Variants in ADRM1 observed in about 807,000 individuals in gnomAD.
ADRM1 encodes the protein proteasomal ubiquitin receptor ADRM1.
ADRM1 carries 2 observed loss-of-function variants against 40.1 expected under a neutral mutation model. The observed-to-expected ratio is 0.05, with a 90% confidence interval of 0.02 to 0.16. The LOEUF is 0.16. ADRM1 is among the 10% of genes least tolerant of loss of function. ADRM1 has a pLI of 1.00. For missense variants in ADRM1, 467 were observed against 552.5 expected (o/e 0.85, Z 1.55); for synonymous variants, 287 against 240.4 (o/e 1.19, Z -1.79).
In ADRM1 at chr20:62,308,824, CCACT is replaced by C. The variant is rs147591826; in HGVS notation, c.*64_*67del. The C allele has an allele frequency of 8.3e-6, 13 of 1,575,328 alleles. No homozygotes were observed. Among genetic ancestry groups the C allele is most frequent in the Middle Eastern group, 1.8e-4 (1 of 5,444 alleles). On this transcript the variant is annotated 3_prime_UTR_variant, in exon 10 of 10. Coordinates refer to ENST00000253003, the MANE Select transcript of ADRM1 (RefSeq NM_007002.4). The stretch of plus-strand genomic sequence containing the variant: ...TGCGTTGCACACCCTCACCTCCCAC[CCACT>C]GATTATTAATAAAGTCTTTTCTTTT...
In ADRM1 at chr20:62,304,037, T is replaced by C. The variant is rs181772156; in HGVS notation, c.213+256T>C. On this transcript the variant is annotated intron_variant, in intron 2 of 9. Transcript: ENST00000253003. ...GAGCCCGGAGCTCTGTGCCTGGCCT[T>C]GAACTGTCCGTGTGAGGTGCCTGGG... is the stretch of plus-strand genomic sequence containing the variant. 1,384 of 547,356 alleles carry C rather than the reference T, an allele frequency of 2.5e-3. 7 individuals are homozygous for C. Among genetic ancestry groups the C allele is most frequent in the African/African-American group, 0.024 (1,252 of 52,766 alleles). 33.9% of individuals were successfully genotyped at this position (547,356 alleles called of 1,614,324 possible). A position where few individuals can be genotyped will look rare whatever the true frequency, so the allele number is the denominator to read the frequency against.
rs1985591330 is a variant in ADRM1 at position 62,308,754 on chromosome 20, T to G, written c.1217T>G (p.Leu406Arg). 6.2e-7 allele frequency: 1 copy of G among 1,612,798 alleles called. No homozygotes were observed. Among genetic ancestry groups the G allele is most frequent in the South Asian group, 1.1e-5 (1 of 91,086 alleles). ...AAGGACGAAGAGGAGGACATGAGCC[T>G]GGACTGAGCCACGCGCCGTCCTCCG... ...DKKDEEEDMS[L>R]D Residue 406 changes from leucine (L) to arginine (R), a missense_variant, in exon 10 of 10, where the codon CTG (leucine) becomes CGG (arginine). Around this residue, in one of 3 missense-constraint regions of ADRM1, gnomAD observed 418 missense variants for 474.6 expected, o/e 0.88. Transcript: ENST00000253003.
At chr20:62,305,187 G>A (rs866653211) in intron 3 of ADRM1, among the ~76,000 whole-genome samples, 3 of 152,342 alleles carry the variant, frequency 2.0e-5, no homozygotes, top group Middle Eastern at 3.4e-3. Flanking sequence ...CCATAAGCCA[G>A]TATCATCTGT....
intron 1 of ADRM1, 96 bp from the exon 2 acceptor site, chr20:62,303,472 C>T (rs1041307042): frequency 4.7e-6 from 6 of 1,285,366 alleles, no homozygotes; most frequent in South Asian, 1.4e-5. Flanking sequence ...GCTCTGGGCG[C>T]AGGCCCCCTG....
chr20:62,306,559 G>C (rs1267712380), intron 4 of ADRM1, 89 bp from the exon 5 acceptor site: 1 of 1,394,778 alleles, frequency 7.2e-7, no homozygotes, highest in African/African-American at 1.4e-5. Context: ...GGGCAGCCGA[G>C]TGCGGTGCTC....
rs777538537 is a variant in ADRM1, at chr20:62,306,316, A to T, written c.450A>T (p.Leu150=). The change falls in exon 4 of 10, where the codon CTA becomes CTT. Residue 150 remains leucine (L), a synonymous_variant. Transcript: ENST00000253003. ...SGSSGHELSA[L]GGEGGLQSLL... is the part of the protein sequence containing the mutation. ...GCAGCGGCCACGAACTCTCTGCGCTAGGCGGTAACTGTCACATGTGTCACG... is the reference window on the plus strand; with the variant it reads ...GCAGCGGCCACGAACTCTCTGCGCTTGGCGGTAACTGTCACATGTGTCACG... 2.5e-6 allele frequency: 4 copies of T among 1,612,780 alleles called. No homozygotes were observed. In the South Asian group the frequency reaches 3.3e-5, roughly 13 times the overall value.
chr20:62,305,781 G>A, intron 3 of ADRM1: 1 of 206,220 alleles, frequency 4.8e-6, no homozygotes, highest in Non-Finnish European at 1.0e-5. Context: ...CGCCTGCCGT[G>A]GCCCTGGGCC....
rs1568872257 is a variant in ADRM1 at position 62,306,665 on chromosome 20, A to G, written c.472A>G (p.Ser158Gly). The change falls in exon 5 of 10, where the codon AGC (serine) becomes GGC (glycine). Residue 158 changes from serine to glycine, a missense_variant. Around this residue, in one of 3 missense-constraint regions of ADRM1, gnomAD observed 418 missense variants for 474.6 expected, o/e 0.88. Transcript: ENST00000253003. Reference sequence around the variant, plus strand: ...TTTTCCAGGTGAGGGTGGCCTGCAGAGCCTGCTGGGAAACATGAGCCACAG... The same window carrying G: ...TTTTCCAGGTGAGGGTGGCCTGCAGGGCCTGCTGGGAAACATGAGCCACAG... ...SALGGEGGLQ[S>G]LLGNMSHSQL... The G allele has an allele frequency of 6.2e-7, 1 of 1,609,368 alleles. No individual in the cohort carries two copies. The highest frequency in any genetic ancestry group is 1.7e-5 in the Admixed American group (1 of 59,644).
At position 62,308,160 on chromosome 20, in the gene ADRM1, C is replaced by T. The variant is rs1985423823; in HGVS notation, c.996C>T (p.Thr332=). Residue 332 remains threonine, a synonymous_variant, in exon 8 of 10, where the codon ACC becomes ACT. Coordinates refer to ENST00000253003, the MANE Select transcript of ADRM1 (RefSeq NM_007002.4). ...CGGATGAGATCCAGAATACCCTGACCTCGCCCCAGTTCCAGCAGGTAGAGG... is the reference window on the plus strand; with the variant it reads ...CGGATGAGATCCAGAATACCCTGACTTCGCCCCAGTTCCAGCAGGTAGAGG... The part of the protein sequence containing the change: ...QTADEIQNTL[T]SPQFQQALGM... 1.2e-6 allele frequency: 2 copies of T among 1,605,206 alleles called. No individual in the cohort carries two copies. Among genetic ancestry groups the T allele is most frequent in the South Asian group, 2.2e-5 (2 of 90,926 alleles).
At chr20:62,304,747 G>A (rs1377256593) in intron 3 of ADRM1, among the ~76,000 whole-genome samples, 170 bp downstream of exon 3, 1 of 152,248 alleles carries the variant, frequency 6.6e-6, no homozygotes, top group East Asian at 1.9e-4. Flanking sequence ...CTGGGGCCGA[G>A]GTCCTCTCCC....
chr20:62,304,496 G>A lies in ADRM1; in HGVS notation c.249G>A (p.Lys83=), dbSNP rs1333546166. ...TCTTCCCTGACGACTGTGAGTTCAA[G>A]CGGGTGCCGCAGTGCCCCAGCGGGA... ...LIIFPDDCEF[K]RVPQCPSGRV... is the part of the protein sequence containing the mutation. Residue 83 remains lysine (K), a synonymous_variant, in exon 3 of 10, where the codon AAG becomes AAA. Transcript: ENST00000253003. 1 of 1,613,970 alleles carries A rather than the reference G, an allele frequency of 6.2e-7. No homozygotes were observed.
chr20:62,307,252 G>A (rs376094344), intron 5 of ADRM1, 119 bp from the exon 6 acceptor site: 24 of 1,010,410 alleles, frequency 2.4e-5, no homozygotes, highest in South Asian at 1.2e-4. Context: ...GGTCCCCACC[G>A]CCCCGCTTCT....
rs759472545 is a variant in ADRM1, at chr20:62,308,194, A to G, written c.1014+16A>G. On this transcript the variant is annotated intron_variant, in intron 8 of 9. Coordinates refer to ENST00000253003, the MANE Select transcript of ADRM1 (RefSeq NM_007002.4). ...GTTCCAGCAGGTAGAGGCCGGGCCC[A>G]GGGTGTCCTCCACTGTGTGCTCAGG... 41 of 1,595,160 alleles carry G rather than the reference A, an allele frequency of 2.6e-5. No homozygotes were observed. The South Asian group carries it at 4.3e-4, about 17-fold the overall frequency.
chr20:62,306,984 GCTGGAGGA>G (rs1252481993), intron 5 of ADRM1, among the ~76,000 whole-genome samples: 1 of 152,172 alleles, frequency 6.6e-6, no homozygotes, highest in East Asian at 1.9e-4. Flanking sequence ...GAGCGGTGGG[GCTGGAGGA>G]CTGGAGGGAG....
intron 2 of ADRM1, 149 bp downstream of exon 2, chr20:62,303,930 T>G: frequency 1.3e-6 from 1 of 744,492 alleles, no homozygotes; most frequent in Non-Finnish European, 2.2e-6. Context: ...CGTCCTGGTT[T>G]CCGCGGTGAC....
Position 62,308,089 on chromosome 20 carries a change from C to T in ADRM1, c.925C>T (p.Arg309Cys), listed in dbSNP as rs746185311. ...PILANADVQE[R>C]LLPYLPSGES... ...CCTCGCCAACGCGGATGTCCAGGAG[C>T]GCCTGCTTCCCTACTTGCCATCTGG... is the stretch of plus-strand genomic sequence containing the variant. The change falls in exon 8 of 10, where the codon CGC (arginine) becomes TGC (cysteine). Residue 309 changes from arginine (R) to cysteine (C), a missense_variant. By Grantham distance (180) the Arg-to-Cys change is radical. This residue lies in a region of ADRM1 where 418 missense variants were observed against 474.6 expected (regional missense o/e 0.88). Transcript: ENST00000253003. 1.1e-5 allele frequency: 18 copies of T among 1,611,416 alleles called. No homozygotes were observed. The highest frequency in any genetic ancestry group is 1.4e-5 in the Non-Finnish European group (16 of 1,179,796).
rs200378442 is a variant in ADRM1 at position 62,308,767 on chromosome 20, G to A, written c.*6G>A. On this transcript the variant is annotated 3_prime_UTR_variant, in exon 10 of 10. Coordinates refer to ENST00000253003, the MANE Select transcript of ADRM1 (RefSeq NM_007002.4). ...AGGACATGAGCCTGGACTGAGCCACGCGCCGTCCTCCGAGGAACTGGGCGC... is the reference window on the plus strand; with the variant it reads ...AGGACATGAGCCTGGACTGAGCCACACGCCGTCCTCCGAGGAACTGGGCGC... 7.4e-5 allele frequency: 120 copies of A among 1,612,652 alleles called. No homozygotes were observed. The African/African-American group carries it at 8.1e-4, about 11-fold the overall frequency.
In ADRM1 at chr20:62,306,637, G is replaced by A; in HGVS notation, c.455-11G>A. On this transcript the variant is annotated splice_polypyrimidine_tract_variant and intron_variant, in intron 4 of 9. Transcript: ENST00000253003. ...CTGGGGCAGGCCCGCCTGAGCTGCA[G>A]TGTTTTCCAGGTGAGGGTGGCCTGC... 6.2e-7 allele frequency: 1 copy of A among 1,603,182 alleles called. No homozygotes were observed. The highest frequency in any genetic ancestry group is 1.1e-5 in the South Asian group (1 of 89,716).
At chr20:62,306,000 A>G (rs1984889545) in intron 3 of ADRM1, 197 bp from the exon 4 acceptor site, 2 of 635,258 alleles carry the variant, frequency 3.1e-6, no homozygotes, top group East Asian at 2.9e-5. Flanking sequence ...GACAGGGCGC[A>G]GAGCATCGTG....
Sources: allele counts gnomAD v4.1 joint callset (sites outside exome capture counted in the v4.1 genomes callset), GRCh38; gene constraint gnomAD v4.1.1; regional missense constraint gnomAD v4.1.1; transcripts MANE v1.5; gene names NCBI Gene and HGNC (gene_info 2026-07-23, HGNC 2026-07-21).